The following BARD1 variants were observed in gnomAD, a reference collection of about 807,000 sequenced individuals.
BARD1 encodes BRCA1 associated RING domain 1.
Under a neutral mutation model 77.0 loss-of-function variants are expected in BARD1, and 73 were observed. That is an observed-to-expected ratio of 0.95 (90% CI 0.79 to 1.15). BARD1 has a LOEUF of 1.15. Among genes scored for constraint, BARD1 ranks in the 50% most tolerant of loss-of-function variants. The probability of loss-of-function intolerance (pLI) is 0.00; values close to 1 mark genes in which losing one functional copy is unlikely to be tolerated. For missense variants in BARD1, 993 were observed against 938.8 expected (o/e 1.06, Z -0.75); for synonymous variants, 384 against 338.0 (o/e 1.14, Z -1.49).
At chr2:214,763,109 G>T (rs1369383324) in intron 6 of BARD1, among the ~76,000 whole-genome samples, 1 of 152,048 alleles carries the variant, frequency 6.6e-6, no homozygotes, top group Non-Finnish European at 1.5e-5. Context: ...ATCACTAACG[G>T]AAGTTCCTAG....
intron 4 of BARD1, 106 bp from the exon 5 acceptor site, chr2:214,769,418 G>A (rs1050046980): frequency 7.7e-6 from 7 of 913,836 alleles, no homozygotes; most frequent in Middle Eastern, 5.5e-4. Flanking sequence ...AACTTAAATC[G>A]TTTTCTCTTA....
At chr2:214,759,633 T>C (rs1159214559) in intron 6 of BARD1, among the ~76,000 whole-genome samples, 1 of 152,156 alleles carries the variant, frequency 6.6e-6, no homozygotes, top group Admixed American at 6.5e-5. Flanking sequence ...ATATTAGAGT[T>C]AAATCAAAAC....
chr2:214,744,473 A>G (rs1334049604), intron 9 of BARD1, among the ~76,000 whole-genome samples: 1 of 152,240 alleles, frequency 6.6e-6, no homozygotes, highest in African/African-American at 2.4e-5. Flanking sequence ...ATCATTTAAC[A>G]GTAACATGAA....
chr2:214,732,540 C>T (rs1219604990), intron 9 of BARD1, among the ~76,000 whole-genome samples: 12 of 152,148 alleles, frequency 7.9e-5, no homozygotes, highest in East Asian at 3.9e-4. Flanking sequence ...GGACTACAGG[C>T]GCCCGCCACC....
intron 6 of BARD1, among the ~76,000 whole-genome samples, chr2:214,760,793 T>TC (rs1015319220): frequency 1.3e-5 from 2 of 150,540 alleles, no homozygotes; most frequent in African/African-American, 4.9e-5. Context: ...TTTTTTTTTT[T>TC]AGATGGAGTC....
At chr2:214,803,086 T>A (rs1002562989) in intron 1 of BARD1, among the ~76,000 whole-genome samples, 7 of 152,274 alleles carry the variant, frequency 4.6e-5, no homozygotes, top group African/African-American at 1.7e-4. Context: ...GATTAAGGGT[T>A]GTGCAAGATG....
Position 214,749,489 on chromosome 2 carries a change from C to T in BARD1, c.1677+2958G>A, listed in dbSNP as rs113533615. ...GACATGCCCAAAGTATAGGTCTCTT[C>T]CATGTAATAAAAACCCTCCTTTTCT... On this transcript the variant is annotated intron_variant, in intron 7 of 10. Transcript: ENST00000260947. Among the ~76,000 whole-genome samples, 415 of 152,258 alleles carry T rather than the reference C, an allele frequency of 2.7e-3. 3 individuals carry two copies. The highest frequency in any genetic ancestry group is 9.3e-3 in the African/African-American group (387 of 41,546).
chr2:214,806,822 T>C (rs1696294160), intron 1 of BARD1, among the ~76,000 whole-genome samples: 1 of 130,656 alleles, frequency 7.7e-6, no homozygotes, highest in African/African-American at 2.9e-5. Flanking sequence ...TGCAGTGAGC[T>C]GAAATCATGC....
At chr2:214,760,729 G>T (rs1693915556) in intron 6 of BARD1, among the ~76,000 whole-genome samples, 1 of 151,488 alleles carries the variant, frequency 6.6e-6, no homozygotes, top group Non-Finnish European at 1.5e-5. Context: ...CACAGCCTCA[G>T]ATAAAACGTC....
chr2:214,787,118 C>T lies in BARD1; in HGVS notation c.364+5179G>A, dbSNP rs143610631. On this transcript the variant is annotated intron_variant, in intron 3 of 10. Coordinates refer to ENST00000260947, the MANE Select transcript of BARD1 (RefSeq NM_000465.4). The stretch of plus-strand genomic sequence containing the variant: ...CACAGATGACATTTTCAATTAAAAC[C>T]ATGTTCAAACCCTGAGGTTCTCAAT... 5.9e-5 allele frequency among the ~76,000 whole-genome samples: 9 copies of T among 151,512 alleles called. No homozygotes were observed. In the East Asian group the frequency reaches 1.6e-3, roughly 26 times the overall value.
In BARD1 at chr2:214,769,424, T is replaced by C. The variant is rs889602492; in HGVS notation, c.1315-112A>G. 4.7e-6 allele frequency: 4 copies of C among 855,836 alleles called. No individual in the cohort carries two copies. In the Admixed American group the frequency reaches 6.1e-5, roughly 13 times the overall value. 53.0% of individuals were successfully genotyped at this position (855,836 alleles called of 1,614,324 possible). ...ATAAAGTAAAACTTAAATCGTTTTC[T>C]CTTAAGGCTACTGTTCATGAGTTAA... is the stretch of plus-strand genomic sequence containing the variant. On this transcript the variant is annotated intron_variant, in intron 4 of 10. Coordinates refer to ENST00000260947, the MANE Select transcript of BARD1 (RefSeq NM_000465.4).
rs1182047534 is a variant in BARD1 at position 214,752,007 on chromosome 2, A to C, written c.1677+440T>G. ...GGCTTCAATTCAAATCAGTGCTTTA[A>C]GGCTCCACTCTGTGACCCTAGCTAA... is the stretch of plus-strand genomic sequence containing the variant. On this transcript the variant is annotated intron_variant, in intron 7 of 10. Coordinates refer to ENST00000260947, the MANE Select transcript of BARD1 (RefSeq NM_000465.4). Among the ~76,000 whole-genome samples, 3 of 152,336 alleles carry C rather than the reference A, an allele frequency of 2.0e-5. No homozygotes were observed. In the East Asian group the frequency reaches 5.8e-4, roughly 29 times the overall value.
chr2:214,766,737 T>C (rs950997755), intron 6 of BARD1, among the ~76,000 whole-genome samples: 1 of 152,238 alleles, frequency 6.6e-6, no homozygotes, highest in Non-Finnish European at 1.5e-5. Context: ...TTGTAATACC[T>C]AATAGTATGA....
intron 3 of BARD1, among the ~76,000 whole-genome samples, chr2:214,785,175 A>T (rs1291760888): frequency 6.6e-6 from 1 of 152,034 alleles, no homozygotes; most frequent in African/African-American, 2.4e-5. Flanking sequence ...TTCATAAATA[A>T]AAATCTATTT....
chr2:214,783,944 A>G (rs1265422303), intron 3 of BARD1, among the ~76,000 whole-genome samples: 1 of 152,224 alleles, frequency 6.6e-6, no homozygotes, highest in Non-Finnish European at 1.5e-5. Context: ...AATACCATTC[A>G]GGACATGGGC....
chr2:214,734,895 T>C (rs995206583), intron 9 of BARD1, among the ~76,000 whole-genome samples: 1 of 152,194 alleles, frequency 6.6e-6, no homozygotes, highest in Admixed American at 6.5e-5. Context: ...GTATAGTCAA[T>C]GCTCATTATC....
At chr2:214,752,682 A>C in intron 6 of BARD1, 127 bp from the exon 7 acceptor site, 1 of 738,704 alleles carries the variant, frequency 1.4e-6, no homozygotes, top group Non-Finnish European at 2.3e-6. Flanking sequence ...AGGCAGAAGA[A>C]TCTAGAATCA....
chr2:214,776,852 T>G (rs1281855580), intron 4 of BARD1, among the ~76,000 whole-genome samples: 2 of 151,996 alleles, frequency 1.3e-5, no homozygotes, highest in African/African-American at 4.8e-5. Flanking sequence ...AAGCAGAGGG[T>G]CTTTCTGGCT....
chr2:214,761,064 G>GA (rs1316371524), intron 6 of BARD1, among the ~76,000 whole-genome samples: 1 of 131,736 alleles, frequency 7.6e-6, no homozygotes, highest in East Asian at 2.2e-4. Context: ...GGATGAACTT[G>GA]ATGGGATAAA....
Sources: gnomAD v4.1 joint callset for allele counts (sites outside exome capture counted in the v4.1 genomes callset) on GRCh38, gnomAD v4.1.1 for gene constraint, MANE v1.5 for transcripts, NCBI Gene and HGNC (gene_info 2026-07-23, HGNC 2026-07-21) for gene names.